The following FANCC variants were observed in gnomAD, a reference collection of about 807,000 sequenced individuals.
FANCC encodes the protein Fanconi anemia group C protein.
FANCC carries 55 observed loss-of-function variants against 71.3 expected under a neutral mutation model. That is an observed-to-expected ratio of 0.77 (90% CI 0.62 to 0.97). The LOEUF is 0.97. Ranked by LOEUF, FANCC falls within the 50% of genes least tolerant of loss-of-function variation. The pLI is 0.00. For synonymous variants in FANCC, 275 were observed against 244.9 expected (o/e 1.12, Z -1.15); for missense variants, 678 against 670.9 (o/e 1.01, Z -0.12).
chr9:95,257,497 C>T (rs1485732146), intron 1 of FANCC, among the ~76,000 whole-genome samples: 2 of 152,162 alleles, frequency 1.3e-5, no homozygotes. Flanking sequence ...AACAAAGACA[C>T]AACGTACCAG....
intron 7 of FANCC, among the ~76,000 whole-genome samples, chr9:95,138,827 C>G (rs1270405196): frequency 6.6e-6 from 1 of 152,186 alleles, no homozygotes; most frequent in African/African-American, 2.4e-5. Flanking sequence ...CTCAAGCACA[C>G]GAGTCACACT....
chr9:95,316,418 A>C (rs1303894203), intron 1 of FANCC, among the ~76,000 whole-genome samples: 1 of 152,224 alleles, frequency 6.6e-6, no homozygotes, highest in East Asian at 1.9e-4. Context: ...TGTTTGTAAC[A>C]ACCTTTCAGG....
At chr9:95,192,462 T>C (rs142439677) in intron 4 of FANCC, among the ~76,000 whole-genome samples, 1 of 152,344 alleles carries the variant, frequency 6.6e-6, no homozygotes, top group Non-Finnish European at 1.5e-5. Context: ...GCTTTTTAAA[T>C]GTTTCTTAAC....
chr9:95,261,177 T>G (rs905606272), intron 1 of FANCC, among the ~76,000 whole-genome samples: 2 of 151,822 alleles, frequency 1.3e-5, no homozygotes, highest in African/African-American at 4.9e-5. Flanking sequence ...CTCCAAAAAA[T>G]GCATGCCTTG....
At chr9:95,168,764 G>A (rs1469955161) in intron 6 of FANCC, among the ~76,000 whole-genome samples, 1 of 152,124 alleles carries the variant, frequency 6.6e-6, no homozygotes, top group Non-Finnish European at 1.5e-5. Flanking sequence ...CCTGAAATCG[G>A]GTGATCTACC....
Position 95,201,847 on chromosome 9 carries a change from G to T in FANCC, c.346-29700C>A, listed in dbSNP as rs531566877. ...CTGTAGATCCTTTTTTAAGTCGCAG[G>T]TTTAAAGGTTTCCAAGCTTAAAAAG... On this transcript the variant is annotated intron_variant, in intron 4 of 14. Transcript: ENST00000289081. Among the ~76,000 whole-genome samples the T allele has an allele frequency of 7.2e-5, 11 of 152,264 alleles. No homozygotes were observed. The East Asian group carries it at 1.9e-3, about 27-fold the overall frequency.
At chr9:95,285,142 GAGAA>G (rs1395743200) in intron 1 of FANCC, among the ~76,000 whole-genome samples, 1 of 151,968 alleles carries the variant, frequency 6.6e-6, no homozygotes, top group African/African-American at 2.4e-5. Context: ...TAAAGGAATT[GAGAA>G]AGAAATAATT....
chr9:95,202,278 G>A (rs1035566450), intron 4 of FANCC, among the ~76,000 whole-genome samples: 1 of 152,254 alleles, frequency 6.6e-6, no homozygotes, highest in Admixed American at 6.5e-5. Flanking sequence ...TGCCAGGGCA[G>A]AGGGAACTGG....
At chr9:95,252,274 C>CAAAAAAAA (rs71366284) in intron 1 of FANCC, among the ~76,000 whole-genome samples, 6 of 50,122 alleles carry the variant, frequency 1.2e-4, no homozygotes, top group Non-Finnish European at 1.8e-4. Flanking sequence ...GAGACTGATT[C>CAAAAAAAA]AAAAAAAAAA....
chr9:95,128,586 G>A (rs1826374904), intron 8 of FANCC, among the ~76,000 whole-genome samples: 3 of 152,186 alleles, frequency 2.0e-5, no homozygotes, highest in Admixed American at 2.0e-4. Context: ...GAAAACCACT[G>A]GGGGAGCAAG....
At chr9:95,314,630 C>A (rs1188059627) in intron 1 of FANCC, among the ~76,000 whole-genome samples, 1 of 151,132 alleles carries the variant, frequency 6.6e-6, no homozygotes, top group African/African-American at 2.4e-5. Context: ...CCAGTCTGGG[C>A]AAACAGAGCG....
intron 7 of FANCC, among the ~76,000 whole-genome samples, chr9:95,149,272 A>G (rs1421213653): frequency 6.6e-6 from 1 of 152,126 alleles, no homozygotes; most frequent in Admixed American, 6.5e-5. Context: ...AGGAAACAAT[A>G]GTCGCTGGGG....
chr9:95,293,632 C>A (rs1834191503), intron 1 of FANCC: 1 of 1,614,032 alleles, frequency 6.2e-7, no homozygotes, highest in Non-Finnish European at 8.5e-7. Flanking sequence ...GCACAGTGGG[C>A]CACCGCTGAT....
chr9:95,229,895 A>C (rs1829887603), intron 4 of FANCC, among the ~76,000 whole-genome samples: 1 of 152,172 alleles, frequency 6.6e-6, no homozygotes, highest in African/African-American at 2.4e-5. Flanking sequence ...CTTTTAGAAA[A>C]AGAGAAGGGA....
chr9:95,236,049 A>G (rs1424495890), intron 4 of FANCC, among the ~76,000 whole-genome samples: 1 of 152,160 alleles, frequency 6.6e-6, no homozygotes, highest in Non-Finnish European at 1.5e-5. Flanking sequence ...AGAAGAAAGT[A>G]GAGGACAGAC....
intron 14 of FANCC, among the ~76,000 whole-genome samples, chr9:95,102,943 G>C (rs2071175764): frequency 6.6e-6 from 1 of 152,226 alleles, no homozygotes. Context: ...AGCCAGCACG[G>C]GGGCTCCGGC....
At position 95,144,817 on chromosome 9, in the gene FANCC, C is replaced by T. The variant is rs936293445; in HGVS notation, c.686+5106G>A. On this transcript the variant is annotated intron_variant, in intron 7 of 14. Coordinates refer to ENST00000289081, the MANE Select transcript of FANCC (RefSeq NM_000136.3). ...GGGCCGTGAAGCGTGTGCTCCATTGCGGGTGTTGGGCACTGTAAGGAAAGA... is the reference window on the plus strand; with the variant it reads ...GGGCCGTGAAGCGTGTGCTCCATTGTGGGTGTTGGGCACTGTAAGGAAAGA... Among the ~76,000 whole-genome samples the T allele has an allele frequency of 1.2e-4, 18 of 152,254 alleles. No individual in the cohort carries two copies. The East Asian group carries it at 1.7e-3, about 15-fold the overall frequency.
chr9:95,235,335 A>T (rs1830248580), intron 4 of FANCC, among the ~76,000 whole-genome samples: 1 of 151,258 alleles, frequency 6.6e-6, no homozygotes, highest in African/African-American at 2.4e-5. Flanking sequence ...CTGATGCATG[A>T]CGAAGGTAGC....
chr9:95,303,568 A>G (rs1396901285), intron 1 of FANCC, among the ~76,000 whole-genome samples: 1 of 152,218 alleles, frequency 6.6e-6, no homozygotes, highest in African/African-American at 2.4e-5. Context: ...AAAGTCCACA[A>G]TCAAGGCCTA....
Sources: allele counts gnomAD v4.1 joint callset (sites outside exome capture counted in the v4.1 genomes callset), GRCh38; gene constraint gnomAD v4.1.1; transcripts MANE v1.5; gene names NCBI Gene and HGNC (gene_info 2026-07-23, HGNC 2026-07-21).